The following TPO variants were observed in gnomAD, a reference collection of about 807,000 sequenced individuals.
TPO encodes the protein thyroid peroxidase.
In TPO, 78 loss-of-function variants were observed where a neutral mutation model predicts 96.9. The ratio of observed to expected loss-of-function variants is 0.81; its 90% CI spans 0.67 to 0.97. TPO has a LOEUF of 0.97. Among genes scored for constraint, TPO ranks in the 50% least tolerant of loss-of-function variants. The pLI, the probability that TPO is intolerant of heterozygous loss-of-function variation, is 0.00. For missense variants in TPO, 1,252 were observed against 1,274.8 expected, an observed-to-expected ratio of 0.98 and a Z score of 0.27; for synonymous variants, 547 against 538.0, an observed-to-expected ratio of 1.02 and a Z score of -0.23.
chr2:1,413,133 C>A (rs1662531564), upstream of TPO, among the ~76,000 whole-genome samples: 1 of 152,058 alleles, frequency 6.6e-6, no homozygotes, highest in South Asian at 2.1e-4. Context: ...ATTAACAGCC[C>A]CTTTTTCACA....
chr2:1,513,788 TGATTTA>T (rs1674406398), intron 14 of TPO, among the ~76,000 whole-genome samples: 2 of 152,186 alleles, frequency 1.3e-5, no homozygotes, highest in African/African-American at 4.8e-5. Flanking sequence ...ATAGTTATAC[TGATTTA>T]GATATAGATA....
chr2:1,390,511 G>A (rs1025859255), intron 1 of TPO, among the ~76,000 whole-genome samples: 2 of 152,202 alleles, frequency 1.3e-5, no homozygotes, highest in African/African-American at 2.4e-5. Context: ...TGTCTTTACA[G>A]TAGCATGATT....
rs1191650781 is a variant in TPO at position 1,436,328 on chromosome 2, C to T, written c.426C>T (p.Cys142=). 3 of 1,614,170 alleles carry T rather than the reference C, an allele frequency of 1.9e-6. No individual in the cohort carries two copies. Among genetic ancestry groups the T allele is most frequent in the Non-Finnish European group, 2.5e-6 (3 of 1,180,038 alleles). ...TCCCTTACATGCTGCCCCCAAAATG[C>T]CCAAACACTTGCCTGGCGAACAAAT... is the stretch of plus-strand genomic sequence containing the variant. ...GCLPYMLPPK[C]PNTCLANKYR... Residue 142 remains cysteine, a synonymous_variant, in exon 5 of 17, where the codon TGC becomes TGT. Coordinates refer to ENST00000329066, the MANE Select transcript of TPO (RefSeq NM_001206744.2).
chr2:1,427,280 T>C (rs1256168331), intron 3 of TPO, among the ~76,000 whole-genome samples: 1 of 152,178 alleles, frequency 6.6e-6, no homozygotes, highest in Non-Finnish European at 1.5e-5. Context: ...AGAGCATCCC[T>C]GTTTGACTGG....
At chr2:1,447,962 CCAGCAGA>C (rs943568344) in intron 5 of TPO, among the ~76,000 whole-genome samples, 10 of 152,174 alleles carry the variant, frequency 6.6e-5, no homozygotes, top group Admixed American at 2.6e-4. Flanking sequence ...ACACAGGGAC[CCAGCAGA>C]CATCAGAACA....
At chr2:1,375,554 T>C (rs1430838306) in intron 1 of TPO, among the ~76,000 whole-genome samples, 3 of 151,926 alleles carry the variant, frequency 2.0e-5, no homozygotes, top group Non-Finnish European at 4.4e-5. Context: ...CTCGTGGGCC[T>C]CTGATTAGCG....
At chr2:1,385,193 G>C (rs1661871273) in intron 1 of TPO, among the ~76,000 whole-genome samples, 1 of 152,174 alleles carries the variant, frequency 6.6e-6, no homozygotes, top group Admixed American at 6.5e-5. Flanking sequence ...GTCTCTGCCA[G>C]GCTTTGGTAT....
At chr2:1,422,371 C>CCTAGTGCAGCCGCCTCTCCTGGACA (rs1190547540) in intron 2 of TPO, among the ~76,000 whole-genome samples, 1 of 49,782 alleles carries the variant, frequency 2.0e-5, no homozygotes, top group African/African-American at 7.2e-5. Context: ...CGCGCTGGAC[C>CCTAGTGCAGCCGCCTCTCCTGGACA]GACCTCGTGC....
At chr2:1,436,082 G>A (rs572352565) in intron 4 of TPO, among the ~76,000 whole-genome samples, 170 bp from the exon 5 acceptor site, 14 of 152,312 alleles carry the variant, frequency 9.2e-5, no homozygotes, top group Non-Finnish European at 2.1e-4. Context: ...AATTAAATGA[G>A]TGAGCACTTG....
intron 7 of TPO, among the ~76,000 whole-genome samples, chr2:1,467,482 T>C (rs577706435): frequency 1.3e-5 from 2 of 152,356 alleles, no homozygotes; most frequent in South Asian, 4.1e-4. Flanking sequence ...AATTTCCATG[T>C]ATTTGCATGA....
intron 1 of TPO, among the ~76,000 whole-genome samples, chr2:1,382,438 C>A (rs1661824703): frequency 6.6e-6 from 1 of 152,160 alleles, no homozygotes; most frequent in South Asian, 2.1e-4. Flanking sequence ...GCCTTACTGG[C>A]CAGCAACACT....
At chr2:1,447,620 A>G (rs868079645) in intron 5 of TPO, among the ~76,000 whole-genome samples, 7 of 152,274 alleles carry the variant, frequency 4.6e-5, no homozygotes, top group Admixed American at 1.3e-4. Context: ...GACAATATCT[A>G]TAAGTGTTTG....
chr2:1,389,998 A>G (rs893518211), intron 1 of TPO, among the ~76,000 whole-genome samples: 10 of 151,062 alleles, frequency 6.6e-5, no homozygotes, highest in African/African-American at 2.4e-4. Context: ...ACAAGAGGTT[A>G]AGTGGTTATT....
chr2:1,538,872 T>G (rs956708429), intron 15 of TPO, among the ~76,000 whole-genome samples: 2 of 152,312 alleles, frequency 1.3e-5, no homozygotes, highest in African/African-American at 4.8e-5. Flanking sequence ...GAATGCGCCT[T>G]GCACATCCAG....
chr2:1,432,758 G>A (rs1665144039), intron 3 of TPO, among the ~76,000 whole-genome samples: 2 of 112,404 alleles, frequency 1.8e-5, no homozygotes, highest in Non-Finnish European at 3.6e-5. Flanking sequence ...CTGCAGGTGA[G>A]GAGAGGCCTG....
upstream of TPO, among the ~76,000 whole-genome samples, chr2:1,412,042 C>A (rs181805921): frequency 9.9e-5 from 15 of 152,284 alleles, no homozygotes; most frequent in Admixed American, 7.8e-4. Context: ...CTGTATCCCC[C>A]CTCAGGACTC....
At chr2:1,484,149 A>G (rs1670898669) in intron 8 of TPO, among the ~76,000 whole-genome samples, 1 of 152,218 alleles carries the variant, frequency 6.6e-6, no homozygotes, top group Non-Finnish European at 1.5e-5. Flanking sequence ...TGTGATTGCA[A>G]CTGTAATTTT....
At chr2:1,406,936 C>T (rs1309716234) in intron 1 of TPO, among the ~76,000 whole-genome samples, 1 of 152,160 alleles carries the variant, frequency 6.6e-6, no homozygotes, top group Non-Finnish European at 1.5e-5. Context: ...TAGTCCTCAC[C>T]ACACTGTTTC....
intron 6 of TPO, among the ~76,000 whole-genome samples, chr2:1,455,174 G>A (rs1178386477): frequency 6.6e-6 from 1 of 152,214 alleles, no homozygotes; most frequent in Non-Finnish European, 1.5e-5. Context: ...AAGGACCCAT[G>A]TGACTGGATT....
Sources: allele counts gnomAD v4.1 joint callset (sites outside exome capture counted in the v4.1 genomes callset), GRCh38; gene constraint gnomAD v4.1.1; transcripts MANE v1.5; gene names NCBI Gene and HGNC (gene_info 2026-07-23, HGNC 2026-07-21).